The following TMEM38B variants were observed in gnomAD, a reference collection of about 807,000 sequenced individuals.
The protein encoded by TMEM38B is transmembrane protein 38B.
Under a neutral mutation model 28.7 loss-of-function variants are expected in TMEM38B, and 24 were observed. The ratio of observed to expected loss-of-function variants is 0.84; its 90% CI spans 0.61 to 1.18. The LOEUF is 1.18. Among genes scored for constraint, TMEM38B ranks in the 50% most tolerant of loss-of-function variants. TMEM38B has a pLI of 0.00. For synonymous variants in TMEM38B, 131 were observed against 127.7 expected, an observed-to-expected ratio of 1.03 and a Z score of -0.17; for missense variants, 380 against 350.9, an observed-to-expected ratio of 1.08 and a Z score of -0.66.
chr9:105,749,144 T>C, intron 5 of TMEM38B: 1 of 1,293,278 alleles, frequency 7.7e-7, no homozygotes, highest in Non-Finnish European at 1.0e-6. Flanking sequence ...TCTCTTCACA[T>C]GTAGTCTCTT....
At chr9:105,734,178 T>A (rs1836881617) in intron 4 of TMEM38B, among the ~76,000 whole-genome samples, 1 of 152,180 alleles carries the variant, frequency 6.6e-6, no homozygotes, top group African/African-American at 2.4e-5. Context: ...TTAAATTTCC[T>A]TTTTGATTTC....
At chr9:105,760,749 A>G (rs1431175765) in intron 5 of TMEM38B, 11 of 1,134,096 alleles carry the variant, frequency 9.7e-6, no homozygotes, top group Admixed American at 7.0e-5. Context: ...GTAGTCTAAG[A>G]TACTAACTGA....
intron 3 of TMEM38B, 55 bp from the exon 4 acceptor site, chr9:105,722,479 T>C: frequency 1.5e-6 from 2 of 1,344,144 alleles, no homozygotes. Context: ...TCCCTTTAAA[T>C]ATGTTTTACA....
At chr9:105,734,494 A>C (rs1396621038) in intron 4 of TMEM38B, among the ~76,000 whole-genome samples, 5 of 151,996 alleles carry the variant, frequency 3.3e-5, no homozygotes, top group Admixed American at 6.6e-5. Context: ...GTATTTCTTT[A>C]TTAATGCTTT....
chr9:105,707,982 AAAGGAAGATATCCAG>A (rs1835742059), intron 2 of TMEM38B, among the ~76,000 whole-genome samples: 2 of 152,212 alleles, frequency 1.3e-5, no homozygotes, highest in African/African-American at 4.8e-5. Flanking sequence ...AACTATACAA[AAAGGAAGATATCCAG>A]AATTTGATAC....
Position 105,694,574 on chromosome 9 carries a change from G to A in TMEM38B, c.-87G>A, listed in dbSNP as rs1835203276. 7 of 990,092 alleles carry A rather than the reference G, an allele frequency of 7.1e-6. No individual in the cohort carries two copies. The highest frequency in any genetic ancestry group is 1.6e-5 in the South Asian group (1 of 62,856). 61.3% of individuals were successfully genotyped at this position (990,092 alleles called of 1,614,324 possible). A position where few individuals can be genotyped will look rare whatever the true frequency, so the allele number is the denominator to read the frequency against. Reference sequence around the variant, plus strand: ...AGCCGGCGCGGAGGAGCGGGCGGCCGCGGCTGTGCCCTCTCCTACTCCTCA... The same window carrying A: ...AGCCGGCGCGGAGGAGCGGGCGGCCACGGCTGTGCCCTCTCCTACTCCTCA... On this transcript the variant is annotated 5_prime_UTR_variant, in exon 1 of 6. Transcript: ENST00000374692.
intron 2 of TMEM38B, 32 bp from the exon 3 acceptor site, chr9:105,721,505 A>G (rs1306865340): frequency 6.9e-7 from 1 of 1,446,974 alleles, no homozygotes; most frequent in Non-Finnish European, 9.3e-7. Flanking sequence ...TGATTCCATT[A>G]ATATATTAAA....
intron 4 of TMEM38B, among the ~76,000 whole-genome samples, chr9:105,730,792 G>A (rs147054481): frequency 0.024 from 3,682 of 152,194 alleles, 74 homozygotes; most frequent in Middle Eastern, 0.085. Context: ...GTTTAGTCTT[G>A]GGAGGGTGTA....
chr9:105,704,265 C>T (rs868752542), intron 1 of TMEM38B, among the ~76,000 whole-genome samples: 7 of 152,046 alleles, frequency 4.6e-5, no homozygotes, highest in Non-Finnish European at 1.0e-4. Context: ...GGTGTGGTGG[C>T]GCGTGCCTAT....
chr9:105,724,591 C>A (rs1351107654), intron 4 of TMEM38B, among the ~76,000 whole-genome samples: 2 of 150,740 alleles, frequency 1.3e-5, no homozygotes, highest in African/African-American at 4.9e-5. Flanking sequence ...CCACTGCACT[C>A]CAGCCTGGGT....
intron 1 of TMEM38B, chr9:105,701,268 T>C (rs1352919632): frequency 6.6e-6 from 1 of 152,186 alleles, no homozygotes; most frequent in Non-Finnish European, 1.5e-5. Context: ...ATATATCTTA[T>C]TAAGATAACT....
chr9:105,748,230 A>G (rs375257349), intron 5 of TMEM38B, 40 bp downstream of exon 5: 20 of 1,417,552 alleles, frequency 1.4e-5, no homozygotes, highest in Middle Eastern at 1.8e-4. Context: ...CAAATCCTGT[A>G]TAACTATTCC....
At chr9:105,766,381 C>T (rs1321226529) in intron 5 of TMEM38B, among the ~76,000 whole-genome samples, 1 of 152,066 alleles carries the variant, frequency 6.6e-6, no homozygotes, top group Non-Finnish European at 1.5e-5. Context: ...AGCGTCTTTT[C>T]GTGTGTTTAC....
chr9:105,718,568 T>A (rs1322275389), intron 2 of TMEM38B, among the ~76,000 whole-genome samples: 2 of 152,144 alleles, frequency 1.3e-5, no homozygotes, highest in Non-Finnish European at 2.9e-5. Context: ...GATAAAATGA[T>A]GTTAGAAATG....
chr9:105,759,078 A>G, intron 5 of TMEM38B: 1 of 804,572 alleles, frequency 1.2e-6, no homozygotes, highest in Non-Finnish European at 2.3e-6. Context: ...ATCTGCCATG[A>G]AGTGCCTAGC....
At chr9:105,765,135 T>C (rs1252832142) in intron 5 of TMEM38B, among the ~76,000 whole-genome samples, 1 of 152,248 alleles carries the variant, frequency 6.6e-6, no homozygotes, top group Non-Finnish European at 1.5e-5. Flanking sequence ...TTGAATTCTT[T>C]CTAAGGCATT....
chr9:105,722,749 A>T, intron 4 of TMEM38B, 128 bp downstream of exon 4: 1 of 659,732 alleles, frequency 1.5e-6, no homozygotes, highest in Non-Finnish European at 2.5e-6. Flanking sequence ...TAGTAATGAT[A>T]ATGGGAAGAG....
intron 5 of TMEM38B, among the ~76,000 whole-genome samples, chr9:105,764,295 CCT>C (rs1838179122): frequency 6.6e-6 from 1 of 152,020 alleles, no homozygotes; most frequent in Non-Finnish European, 1.5e-5. Flanking sequence ...TCAAATTGTC[CCT>C]GTTTGCAGAC....
At chr9:105,703,677 G>A (rs1391630775) in intron 1 of TMEM38B, among the ~76,000 whole-genome samples, 2 of 151,892 alleles carry the variant, frequency 1.3e-5, no homozygotes, top group Admixed American at 6.6e-5. Context: ...GTGTAAAAGT[G>A]TTCCTATTTC....
Sources: gnomAD v4.1 joint callset for allele counts (sites outside exome capture counted in the v4.1 genomes callset) on GRCh38, gnomAD v4.1.1 for gene constraint, MANE v1.5 for transcripts, NCBI Gene and HGNC (gene_info 2026-07-23, HGNC 2026-07-21) for gene names.